The following FREM3 variants were observed in gnomAD, a reference collection of about 807,000 sequenced individuals.
FREM3 encodes the protein FRAS1-related extracellular matrix protein 3.
In FREM3, 105 loss-of-function variants were observed where a neutral mutation model predicts 129.1. The observed-to-expected ratio is 0.81, with a 90% CI of 0.69 to 0.96. The LOEUF (loss-of-function observed/expected upper bound fraction) is 0.96. Among genes scored for constraint, FREM3 ranks in the 40% least tolerant of loss-of-function variants. FREM3 has a pLI of 0.00. For missense variants in FREM3, 2,593 were observed against 2,666.3 expected, an observed-to-expected ratio of 0.97 and a Z score of 0.61; for synonymous variants, 1,014 against 1,044.9, an observed-to-expected ratio of 0.97 and a Z score of 0.57.
intron 2 of FREM3, among the ~76,000 whole-genome samples, chr4:143,650,533 C>T (rs1268529660): frequency 6.6e-6 from 1 of 152,194 alleles, no homozygotes; most frequent in African/African-American, 2.4e-5. Flanking sequence ...CTCTGTCACT[C>T]AGGTTGGAGT....
chr4:143,633,400 A>T (rs1739175650), intron 2 of FREM3, among the ~76,000 whole-genome samples: 1 of 152,156 alleles, frequency 6.6e-6, no homozygotes, highest in Admixed American at 6.5e-5. Context: ...TGATTTATGA[A>T]ATATTACAGT....
At chr4:143,672,968 T>C (rs935175607) in intron 2 of FREM3, among the ~76,000 whole-genome samples, 5 of 152,218 alleles carry the variant, frequency 3.3e-5, no homozygotes, top group African/African-American at 1.2e-4. Context: ...CTTCTCTGCA[T>C]TGGTTATTCT....
chr4:143,699,312 T>C lies in FREM3; in HGVS notation c.1364A>G (p.His455Arg), dbSNP rs1238925349. The change falls in exon 1 of 8, where the codon CAC (histidine) becomes CGC (arginine). Residue 455 changes from histidine to arginine, a missense_variant. Coordinates refer to ENST00000329798, the MANE Select transcript of FREM3 (RefSeq NM_001168235.2). This position sits in a 1 kb window ranked among gnomAD's most constrained non-coding sequence, Gnocchi z 4.2. ...ATCTTTATCACTGATAGGAATGCTGTGGGTGCTGGACAAGGGCCTTGACTG... is the reference window on the plus strand; with the variant it reads ...ATCTTTATCACTGATAGGAATGCTGCGGGTGCTGGACAAGGGCCTTGACTG... ...EGQSRPLSSTHSIPISDKDNL... is the reference protein window; with the variant it reads ...EGQSRPLSSTRSIPISDKDNL... The C allele has an allele frequency of 6.5e-7, 1 of 1,537,358 alleles. No homozygotes were observed.
intron 7 of FREM3, among the ~76,000 whole-genome samples, chr4:143,579,078 C>T (rs1032592): frequency 0.44 from 64,930 of 148,700 alleles, 14,423 homozygotes; most frequent in East Asian, 0.75. Context: ...AAAAAAAAAG[C>T]GTCTCACTCT....
intron 2 of FREM3, among the ~76,000 whole-genome samples, chr4:143,690,200 C>G (rs544840370): frequency 6.6e-5 from 10 of 152,186 alleles, no homozygotes; most frequent in Admixed American, 6.5e-4. Flanking sequence ...CATAATAATT[C>G]TAAGGAACAC....
At position 143,611,287 on chromosome 4, in the gene FREM3, C is replaced by T; in HGVS notation, c.6020G>A (p.Arg2007His). The change falls in exon 6 of 8, where the codon CGT becomes CAT. Residue 2007 changes from arginine (R) to histidine (H), a missense_variant. By Grantham distance (29) the Arg-to-His change is conservative (BLOSUM62 0). This residue lies in a region of FREM3 where 317 missense variants were observed against 399.0 expected (regional missense o/e 0.79). Coordinates refer to ENST00000329798, the MANE Select transcript of FREM3 (RefSeq NM_001168235.2). Reference protein sequence around the residue: ...PTTKVTILADRYDEPVLHFGD... With the variant: ...PTTKVTILADHYDEPVLHFGD... ...GCAACAAATGGACTTACCATCATAACGATCAGCCAGAATAGTCACCTTAGT... is the reference window on the plus strand; with the variant it reads ...GCAACAAATGGACTTACCATCATAATGATCAGCCAGAATAGTCACCTTAGT... The T allele has an allele frequency of 2.0e-6, 3 of 1,536,154 alleles. No individual in the cohort carries two copies. The highest frequency in any genetic ancestry group is 2.6e-6 in the Non-Finnish European group (3 of 1,146,156).
chr4:143,614,596 A>G (rs750932110), intron 5 of FREM3, among the ~76,000 whole-genome samples: 6 of 152,292 alleles, frequency 3.9e-5, no homozygotes, highest in Non-Finnish European at 8.8e-5. Flanking sequence ...TTAAAGATTC[A>G]TTGTTTGCAG....
chr4:143,660,114 T>C (rs9685951), intron 2 of FREM3, among the ~76,000 whole-genome samples: 17,104 of 149,930 alleles, frequency 0.11, 1,032 homozygotes, highest in African/African-American at 0.15. Context: ...ATTTTGGCTT[T>C]TGTTGCCATT....
intron 2 of FREM3, among the ~76,000 whole-genome samples, chr4:143,639,521 C>T (rs866687256): frequency 1.3e-5 from 2 of 152,100 alleles, no homozygotes; most frequent in Non-Finnish European, 1.5e-5. Flanking sequence ...TTTCTGCCCC[C>T]CTTAGCATGT....
At chr4:143,659,652 A>G (rs56088808) in intron 2 of FREM3, among the ~76,000 whole-genome samples, 17,496 of 102,738 alleles carry the variant, frequency 0.17, 1,896 homozygotes, top group African/African-American at 0.39. Context: ...CTGAGGAATC[A>G]CCCCACTGAC....
At chr4:143,647,820 G>A (rs562685881) in intron 2 of FREM3, among the ~76,000 whole-genome samples, 1 of 152,306 alleles carries the variant, frequency 6.6e-6, no homozygotes, top group South Asian at 2.1e-4. Context: ...GTGCAGAAGG[G>A]AAATGTGGGG....
chr4:143,602,633 T>G (rs1426314030), intron 6 of FREM3, among the ~76,000 whole-genome samples: 6 of 149,808 alleles, frequency 4.0e-5, no homozygotes, highest in Non-Finnish European at 5.9e-5. Context: ...GAGTTAAATA[T>G]CATTAACTCT....
At position 143,696,311 on chromosome 4, in the gene FREM3, G is replaced by A; in HGVS notation, c.4365C>T (p.Asn1455=). ...TGCTAAAGTGATGTTCATCAGAGCTGTTGATGTCACTGTTGGTAAGCAGAT... is the reference window on the plus strand; with the variant it reads ...TGCTAAAGTGATGTTCATCAGAGCTATTGATGTCACTGTTGGTAAGCAGAT... ...TNNLLTNSDI[N]SSDEHHFSIT... Residue 1455 remains asparagine (N), a synonymous_variant, in exon 1 of 8, where the codon AAC becomes AAT. Transcript: ENST00000329798. 1 of 1,537,484 alleles carries A rather than the reference G, an allele frequency of 6.5e-7. No individual in the cohort carries two copies. Among genetic ancestry groups the A allele is most frequent in the African/African-American group, 1.4e-5 (1 of 73,172 alleles).
intron 2 of FREM3, among the ~76,000 whole-genome samples, chr4:143,677,339 T>C (rs1740154945): frequency 6.6e-6 from 1 of 152,186 alleles, no homozygotes; most frequent in Non-Finnish European, 1.5e-5. Context: ...TGGCTAGCCA[T>C]ATGTAGAAAG....
At chr4:143,583,391 A>G (rs901631971) in intron 7 of FREM3, among the ~76,000 whole-genome samples, 2 of 152,198 alleles carry the variant, frequency 1.3e-5, no homozygotes, top group African/African-American at 4.8e-5. Context: ...ATATTTGAAG[A>G]TACTGTCCAT....
intron 1 of FREM3, 24 bp from the exon 2 acceptor site, chr4:143,693,226 C>T (rs1389491230): frequency 1.5e-6 from 2 of 1,304,190 alleles, no homozygotes; most frequent in Non-Finnish European, 2.1e-6. Context: ...AACCATCACA[C>T]AAAGTCATAT....
In FREM3 at chr4:143,699,445, C is replaced by T. The variant is rs991544365; in HGVS notation, c.1231G>A (p.Gly411Arg). ...AAGGGGTCTGAGGCGGCGCCGTCTC[C>T]GTCCACCACCTCCAGCTCCAGCTGA... The part of the protein sequence containing the change: ...LFQLELEVVD[G>R]DGAASDPFAF... The change falls in exon 1 of 8, where the codon GGA becomes AGA. Residue 411 changes from glycine (G) to arginine (R), a missense_variant. By Grantham distance (125) the Gly-to-Arg change is moderately radical. Coordinates refer to ENST00000329798, the MANE Select transcript of FREM3 (RefSeq NM_001168235.2). This position sits in a 1 kb window ranked among gnomAD's most constrained non-coding sequence, Gnocchi z 4.2. 1.1e-5 allele frequency: 17 copies of T among 1,537,172 alleles called. No individual in the cohort carries two copies. The highest frequency in any genetic ancestry group is 4.1e-5 in the African/African-American group (3 of 73,044).
intron 2 of FREM3, among the ~76,000 whole-genome samples, chr4:143,666,022 A>G (rs1355684330): frequency 2.0e-5 from 3 of 152,134 alleles, no homozygotes; most frequent in Non-Finnish European, 4.4e-5. Flanking sequence ...TTCTAAGATT[A>G]TGCAAAGTCA....
In FREM3 at chr4:143,621,126, A is replaced by G. The variant is rs758436008; in HGVS notation, c.5690T>C (p.Ile1897Thr). ...TVYIPEAEYK[I>T]EEDIGELLIP... ...CAAAAGTTCCCCAATGTCCTCTTCT[A>G]TTTTGTATTCCGCCTCTGGAATATA... is the stretch of plus-strand genomic sequence containing the variant. Residue 1897 changes from isoleucine to threonine, a missense_variant, in exon 5 of 8, where the codon ATA becomes ACA. Coordinates refer to ENST00000329798, the MANE Select transcript of FREM3 (RefSeq NM_001168235.2). 21 of 1,536,994 alleles carry G rather than the reference A, an allele frequency of 1.4e-5. No homozygotes were observed. The highest frequency in any genetic ancestry group is 1.7e-5 in the Non-Finnish European group (19 of 1,146,768).
Sources: allele counts gnomAD v4.1 joint callset (sites outside exome capture counted in the v4.1 genomes callset), GRCh38; gene constraint gnomAD v4.1.1; regional missense constraint gnomAD v4.1.1; non-coding constraint Gnocchi (gnomAD v3.1); transcripts MANE v1.5; gene names NCBI Gene and HGNC (gene_info 2026-07-23, HGNC 2026-07-21).